Variants in MGAT5B observed in about 807,000 individuals in gnomAD.
The protein encoded by MGAT5B is alpha-1,6-mannosylglycoprotein 6-beta-N-acetylglucosaminyltransferase B.
A neutral mutation model predicts 95.1 loss-of-function variants in MGAT5B; 54 were observed. That is an observed-to-expected ratio of 0.57 (90% CI 0.46 to 0.71). The LOEUF (loss-of-function observed/expected upper bound fraction) is 0.71. MGAT5B is among the 30% of genes least tolerant of loss of function. The pLI is 0.00. For synonymous variants in MGAT5B, 464 were observed against 451.0 expected (o/e 1.03, Z -0.36); for missense variants, 935 against 1,088.6 (o/e 0.86, Z 1.99).
rs2145217459 is a variant in MGAT5B at position 76,915,991 on chromosome 17, G to C, written c.1026-8975G>C. Among the ~76,000 whole-genome samples the C allele has an allele frequency of 6.6e-6, 1 of 152,354 alleles. No individual in the cohort carries two copies. Among genetic ancestry groups the C allele is most frequent in the South Asian group, 2.1e-4 (1 of 4,830 alleles). On this transcript the variant is annotated intron_variant, in intron 8 of 17. Coordinates refer to ENST00000569840, the MANE Select transcript of MGAT5B (RefSeq NM_001199172.2). The surrounding 1 kb of genome is among the most constrained non-coding windows in gnomAD (Gnocchi z 8.7). Reference sequence around the variant, plus strand: ...GAAGACCTACCTAGACTGCGGGTAAGGGGACAGAGAGGGAGCAGGCGCCGG... The same window carrying C: ...GAAGACCTACCTAGACTGCGGGTAACGGGACAGAGAGGGAGCAGGCGCCGG...
chr17:76,916,049 C>T lies in MGAT5B; in HGVS notation c.1026-8917C>T, dbSNP rs778318343. ...AGTGTGGCGGGGTCACGTTGAGTGC[C>T]GCCAAATGTCGTGGGCCTCTGCTGC... On this transcript the variant is annotated intron_variant, in intron 8 of 17. Coordinates refer to ENST00000569840, the MANE Select transcript of MGAT5B (RefSeq NM_001199172.2). This position sits in a 1 kb window ranked among gnomAD's most constrained non-coding sequence, Gnocchi z 5.3. Among the ~76,000 whole-genome samples, 3 of 152,090 alleles carry T rather than the reference C, an allele frequency of 2.0e-5. No individual in the cohort carries two copies. The highest frequency in any genetic ancestry group is 2.9e-5 in the Non-Finnish European group (2 of 68,032).
At chr17:76,946,519 T>TA in intron 16 of MGAT5B, 69 bp downstream of exon 16, 2 of 1,380,446 alleles carry the variant, frequency 1.4e-6, no homozygotes, top group Admixed American at 4.4e-5. Flanking sequence ...CCAGCTTCAT[T>TA]GTCTGCCCAG....
rs1022559392 is a variant in MGAT5B at position 76,870,697 on chromosome 17, C to T, written c.68+1600C>T. 6.6e-6 allele frequency among the ~76,000 whole-genome samples: 1 copy of T among 151,966 alleles called. No homozygotes were observed. The highest frequency in any genetic ancestry group is 2.4e-5 in the African/African-American group (1 of 41,408). ...TTGTGTAACTTCACCCCAGGGTCTC[C>T]CTGGGCTGCCCGGAGACCCGCAGCC... On this transcript the variant is annotated intron_variant, in intron 1 of 17. Transcript: ENST00000569840. The surrounding 1 kb of genome is among the most constrained non-coding windows in gnomAD (Gnocchi z 5.0).
chr17:76,897,717 C>CTTTT (rs1170271577), intron 3 of MGAT5B, among the ~76,000 whole-genome samples: 2 of 89,280 alleles, frequency 2.2e-5, no homozygotes, highest in Non-Finnish European at 4.0e-5. Context: ...TTCTTTCTTT[C>CTTTT]TTTCTTTCTT....
intron 2 of MGAT5B, among the ~76,000 whole-genome samples, chr17:76,877,329 TAAA>T (rs34612127): frequency 9.0e-6 from 1 of 111,206 alleles, no homozygotes; most frequent in African/African-American, 3.5e-5. Context: ...TGTCTCGGCT[TAAA>T]AAAAAAAAAA....
rs117147963 is a variant in MGAT5B, at chr17:76,949,429, G to A, written c.*591G>A. 873 of 153,062 alleles carry A rather than the reference G, an allele frequency of 5.7e-3. 8 individuals are homozygous for A. The highest frequency in any genetic ancestry group is 0.01 in the Middle Eastern group (3 of 298). 9.5% of individuals were successfully genotyped at this position (153,062 alleles called of 1,614,324 possible). A position where few individuals can be genotyped will look rare whatever the true frequency, so the allele number is the denominator to read the frequency against. ...GATGTGGACAGAGGGGCAGGGGGCT[G>A]GGAGAAGGCTAAGCCGAGGGGTCCT... On this transcript the variant is annotated 3_prime_UTR_variant, in exon 18 of 18. Transcript: ENST00000569840.
intron 3 of MGAT5B, among the ~76,000 whole-genome samples, chr17:76,902,286 A>G (rs1434506860): frequency 4.3e-5 from 5 of 115,056 alleles, no homozygotes; most frequent in African/African-American, 2.0e-4. Flanking sequence ...TCACACATGC[A>G]GTTGTGGGCA....
intron 8 of MGAT5B, chr17:76,913,792 G>A: frequency 2.2e-6 from 1 of 462,342 alleles, no homozygotes; most frequent in Non-Finnish European, 4.3e-6. Flanking sequence ...CAAGTAAGAA[G>A]GAGACTGAAA....
chr17:76,939,313 C>G (rs1969789363), intron 13 of MGAT5B, among the ~76,000 whole-genome samples: 1 of 151,918 alleles, frequency 6.6e-6, no homozygotes, highest in Non-Finnish European at 1.5e-5. Flanking sequence ...TCCTGGCCAA[C>G]ATGGTGAAAC....
At chr17:76,897,094 A>C (rs1444747252) in intron 3 of MGAT5B, among the ~76,000 whole-genome samples, 1 of 151,996 alleles carries the variant, frequency 6.6e-6, no homozygotes, top group Non-Finnish European at 1.5e-5. Flanking sequence ...TTTTAAAATT[A>C]TGTATAGAGA....
rs572254240 is a variant in MGAT5B at position 76,912,611 on chromosome 17, C to T, written c.1025+6424C>T. On this transcript the variant is annotated intron_variant, in intron 8 of 17. Coordinates refer to ENST00000569840, the MANE Select transcript of MGAT5B (RefSeq NM_001199172.2). The surrounding 1 kb of genome is among the most constrained non-coding windows in gnomAD (Gnocchi z 5.0). The stretch of plus-strand genomic sequence containing the variant: ...AACAAGGCTGGACGGATGAGCCGGT[C>T]CCGCTCTGCTCCTCGGGTCTCGGTG... Among the ~76,000 whole-genome samples the T allele has an allele frequency of 6.6e-6, 1 of 152,172 alleles. No individual in the cohort carries two copies. Among genetic ancestry groups the T allele is most frequent in the East Asian group, 1.9e-4 (1 of 5,168 alleles).
At chr17:76,898,190 T>C (rs1281469716) in intron 3 of MGAT5B, among the ~76,000 whole-genome samples, 1 of 152,210 alleles carries the variant, frequency 6.6e-6, no homozygotes, top group African/African-American at 2.4e-5. Flanking sequence ...AGGATATTTC[T>C]AGCACACAAG....
intron 3 of MGAT5B, 88 bp from the exon 4 acceptor site, chr17:76,902,467 C>T (rs1219785897): frequency 1.1e-5 from 10 of 931,472 alleles, no homozygotes; most frequent in Non-Finnish European, 1.7e-5. Flanking sequence ...GAGCCTGCCG[C>T]CTTTGCCTGT....
chr17:76,947,060 G>A (rs1003518585), intron 16 of MGAT5B, among the ~76,000 whole-genome samples: 13 of 152,240 alleles, frequency 8.5e-5, no homozygotes, highest in African/African-American at 2.4e-4. Context: ...GCATCCTGGT[G>A]GATCTGAGCC....
At chr17:76,880,301 A>G (rs1414304000) in intron 2 of MGAT5B, among the ~76,000 whole-genome samples, 1 of 151,998 alleles carries the variant, frequency 6.6e-6, no homozygotes, top group East Asian at 1.9e-4. Context: ...CGGCATTTCC[A>G]AGGTGTGTGA....
At chr17:76,902,962 G>T (rs1968372985) in intron 4 of MGAT5B, among the ~76,000 whole-genome samples, 1 of 151,848 alleles carries the variant, frequency 6.6e-6, no homozygotes, top group African/African-American at 2.4e-5. Flanking sequence ...GGCCCCTCCA[G>T]TCCCTGTGAT....
intron 2 of MGAT5B, among the ~76,000 whole-genome samples, chr17:76,880,319 C>T (rs899087111): frequency 1.1e-4 from 16 of 152,198 alleles, no homozygotes; most frequent in African/African-American, 3.1e-4. Context: ...TGAGTGGTCC[C>T]GCCCCAGCTC....
intron 10 of MGAT5B, among the ~76,000 whole-genome samples, chr17:76,928,660 G>A (rs998066324): frequency 6.6e-6 from 1 of 151,874 alleles, no homozygotes; most frequent in Non-Finnish European, 1.5e-5. Context: ...AGCTGAGATC[G>A]TGGCACTGCA....
At chr17:76,919,218 C>T (rs916858762) in intron 8 of MGAT5B, among the ~76,000 whole-genome samples, 4 of 152,148 alleles carry the variant, frequency 2.6e-5, no homozygotes, top group Admixed American at 2.0e-4. Flanking sequence ...ATCCCATCTC[C>T]CCATCCTCCT....
Sources: gnomAD v4.1 joint callset for allele counts (sites outside exome capture counted in the v4.1 genomes callset) on GRCh38, gnomAD v4.1.1 for gene constraint, Gnocchi (gnomAD v3.1) non-coding constraint, MANE v1.5 for transcripts, NCBI Gene and HGNC (gene_info 2026-07-23, HGNC 2026-07-21) for gene names.